Variants in C9orf72 observed in about 807,000 individuals in gnomAD.
The protein encoded by C9orf72 is guanine nucleotide exchange factor C9orf72.
A neutral mutation model predicts 51.6 loss-of-function variants in C9orf72; 44 were observed. The ratio of observed to expected loss-of-function variants is 0.85; its 90% CI spans 0.67 to 1.10. The LOEUF (loss-of-function observed/expected upper bound fraction) is 1.10. Ranked by LOEUF, C9orf72 falls within the 50% of genes least tolerant of loss-of-function variation. The probability of loss-of-function intolerance (pLI) is 0.00; values close to 1 mark genes in which losing one functional copy is unlikely to be tolerated. For missense variants in C9orf72, 607 were observed against 570.6 expected (o/e 1.06, Z -0.65); for synonymous variants, 213 against 194.2 (o/e 1.10, Z -0.81).
intron 5 of C9orf72, chr9:27,560,790 T>C (rs1276663213): frequency 1.0e-6 from 1 of 973,048 alleles, no homozygotes; most frequent in Non-Finnish European, 1.2e-6. Context: ...GAATACTTTA[T>C]ACTTTTACTT....
intron 9 of C9orf72, among the ~76,000 whole-genome samples, chr9:27,549,776 C>CAA (rs35362390): frequency 5.2e-4 from 71 of 136,706 alleles, no homozygotes; most frequent in Non-Finnish European, 7.3e-4. Flanking sequence ...CTCCCTTTCT[C>CAA]AAAAAAAAAA....
intron 2 of C9orf72, among the ~76,000 whole-genome samples, chr9:27,566,294 C>A (rs1819465084): frequency 6.6e-6 from 1 of 152,152 alleles, no homozygotes; most frequent in Non-Finnish European, 1.5e-5. Flanking sequence ...ACATGACCAA[C>A]AGCTTATGAA....
At chr9:27,556,321 A>G in intron 8 of C9orf72, 1 of 563,500 alleles carries the variant, frequency 1.8e-6, no homozygotes, top group East Asian at 2.8e-5. Flanking sequence ...ATATATATTT[A>G]TTAAACAAAT....
In C9orf72 at chr9:27,566,801, C is replaced by G. The variant is rs145645318; in HGVS notation, c.320G>C (p.Arg107Pro). The change falls in exon 2 of 11, where the codon CGC becomes CCC. Residue 107 changes from arginine to proline, a missense_variant. Coordinates refer to ENST00000380003, the MANE Select transcript of C9orf72 (RefSeq NM_018325.5). ...TATAATTGATAGTCCATATGTGCTG[C>G]GATCCCCATTCCAGTTTCCATCAAA... ...LIFDGNWNGD[R>P]STYGLSIILP... The G allele has an allele frequency of 2.5e-6, 4 of 1,613,792 alleles. No homozygotes were observed. The South Asian group carries it at 4.4e-5, about 18-fold the overall frequency.
At chr9:27,556,338 ATATT>A (rs773375412) in intron 8 of C9orf72, 2 of 571,394 alleles carry the variant, frequency 3.5e-6, no homozygotes, top group East Asian at 2.8e-5. Context: ...AAATAGTTAA[ATATT>A]TACTTTAAGG....
chr9:27,556,460 ATTTC>A (rs1208307464), intron 8 of C9orf72, 97 bp downstream of exon 8: 2 of 724,826 alleles, frequency 2.8e-6, no homozygotes, highest in Non-Finnish European at 2.3e-6. Context: ...TGCTGGTAAT[ATTTC>A]TTTCTTTTTA....
rs751866003 is a variant in C9orf72, at chr9:27,560,259, C to T, written c.706G>A (p.Val236Ile). ...ACTTTCTCTGCACTGCTACCTACTA[C>T]AACGGAACAGCCACAGGTTTGCAAG... ...SHLQTCGCSV[V>I]VGSSAEKVNK... The change falls in exon 6 of 11, where the codon GTA (valine) becomes ATA (isoleucine). Residue 236 changes from valine to isoleucine, a missense_variant. Transcript: ENST00000380003. 3.1e-6 allele frequency: 5 copies of T among 1,610,378 alleles called. No individual in the cohort carries two copies. Among genetic ancestry groups the T allele is most frequent in the Admixed American group, 3.4e-5 (2 of 59,460 alleles).
chr9:27,556,995 T>C (rs1410388789), intron 7 of C9orf72, among the ~76,000 whole-genome samples, 199 bp from the exon 8 acceptor site: 2 of 152,152 alleles, frequency 1.3e-5, no homozygotes, highest in African/African-American at 4.8e-5. Flanking sequence ...AACATCAGAA[T>C]GACCTAAGCA....
intron 1 of C9orf72, among the ~76,000 whole-genome samples, chr9:27,567,548 A>G (rs139710878): frequency 4.6e-5 from 7 of 152,300 alleles, no homozygotes; most frequent in African/African-American, 1.7e-4. Context: ...CCCCTAACCC[A>G]TAGCAACTAA....
intron 1 of C9orf72, among the ~76,000 whole-genome samples, chr9:27,572,225 G>T (rs566040608): frequency 6.6e-6 from 1 of 152,144 alleles, no homozygotes; most frequent in South Asian, 2.1e-4. Context: ...AATTACTCTC[G>T]TTCTTGTTTC....
intron 1 of C9orf72, among the ~76,000 whole-genome samples, chr9:27,570,773 A>T (rs984750928): frequency 6.6e-6 from 1 of 152,180 alleles, no homozygotes; most frequent in African/African-American, 2.4e-5. Flanking sequence ...AGGCTGAGGC[A>T]GGAGAATCTC....
At position 27,548,356 on chromosome 9, in the gene C9orf72, C is replaced by G; in HGVS notation, c.1326G>C (p.Glu442Asp). Residue 442 changes from glutamate to aspartate, a missense_variant, in exon 11 of 11, where the codon GAG becomes GAC. Glu to Asp is a conservative substitution (Grantham distance 45, BLOSUM62 2). Transcript: ENST00000380003. ...GAGCCATTATTATGTTAAGATCGCCCTCTGCTGTTAAATCAAGGTCTATCT... is the reference window on the plus strand; with the variant it reads ...GAGCCATTATTATGTTAAGATCGCCGTCTGCTGTTAAATCAAGGTCTATCT... ...NLKIDLDLTAEGDLNIIMALA... is the reference protein window; with the variant it reads ...NLKIDLDLTADGDLNIIMALA... 3 of 1,585,384 alleles carry G rather than the reference C, an allele frequency of 1.9e-6. No individual in the cohort carries two copies. Among genetic ancestry groups the G allele is most frequent in the Non-Finnish European group, 2.6e-6 (3 of 1,163,086 alleles).
intron 6 of C9orf72, 111 bp downstream of exon 6, chr9:27,560,115 CT>C (rs1316983142): frequency 1.7e-6 from 1 of 591,100 alleles, no homozygotes; most frequent in Admixed American, 3.8e-5. Flanking sequence ...ATTACATTGC[CT>C]CCTTATACTA....
intron 1 of C9orf72, among the ~76,000 whole-genome samples, chr9:27,569,995 G>A (rs1263877973): frequency 1.3e-5 from 2 of 152,174 alleles, no homozygotes; most frequent in African/African-American, 2.4e-5. Context: ...ATTATGAGTA[G>A]GCATACAGAG....
At chr9:27,552,891 G>A (rs1820937178) in intron 8 of C9orf72, among the ~76,000 whole-genome samples, 1 of 151,976 alleles carries the variant, frequency 6.6e-6, no homozygotes, top group African/African-American at 2.4e-5. Context: ...GAGGATTTTT[G>A]CATCTATATT....
In C9orf72 at chr9:27,548,552, C is replaced by T; in HGVS notation, c.1259+5G>A. 2 of 1,552,308 alleles carry T rather than the reference C, an allele frequency of 1.3e-6. No individual in the cohort carries two copies. The highest frequency in any genetic ancestry group is 8.9e-7 in the Non-Finnish European group (1 of 1,127,304). On this transcript the variant is annotated splice_donor_5th_base_variant and intron_variant, in intron 10 of 10. Coordinates refer to ENST00000380003, the MANE Select transcript of C9orf72 (RefSeq NM_018325.5). ...GTTTTTCTTCCGTGTAGGAGTTTTA[C>T]TCACGTATCGTCTTCTATATATTTT...
At chr9:27,558,168 T>C (rs1270914927) in intron 7 of C9orf72, among the ~76,000 whole-genome samples, 1 of 151,054 alleles carries the variant, frequency 6.6e-6, no homozygotes, top group Non-Finnish European at 1.5e-5. Context: ...AAAATTCAAA[T>C]CTATTTAGTT....
intron 8 of C9orf72, among the ~76,000 whole-genome samples, chr9:27,556,036 C>A (rs138533049): frequency 6.8e-6 from 1 of 146,464 alleles, no homozygotes; most frequent in African/African-American, 2.5e-5. Flanking sequence ...TTTGAATTTA[C>A]TGTTCAGGCT....
chr9:27,573,185 C>A (rs1304504561), intron 1 of C9orf72, among the ~76,000 whole-genome samples: 1 of 152,174 alleles, frequency 6.6e-6, no homozygotes, highest in Non-Finnish European at 1.5e-5. Flanking sequence ...AAGGAAGAGG[C>A]CAGATCCCCA....
Sources: allele counts gnomAD v4.1 joint callset (sites outside exome capture counted in the v4.1 genomes callset), GRCh38; gene constraint gnomAD v4.1.1; transcripts MANE v1.5; gene names NCBI Gene and HGNC (gene_info 2026-07-23, HGNC 2026-07-21).